Variants in RIMS2 observed in about 807,000 individuals in gnomAD.
RIMS2 encodes the protein regulating synaptic membrane exocytosis protein 2.
In RIMS2, 59 loss-of-function variants were observed where a neutral mutation model predicts 174.4. That is an observed-to-expected ratio of 0.34 (90% CI 0.27 to 0.42). RIMS2 has a LOEUF of 0.42. RIMS2 is among the 10% of genes least tolerant of loss of function. The pLI is 1.00. For missense variants in RIMS2, 1,620 were observed against 1,666.3 expected, an observed-to-expected ratio of 0.97 and a Z score of 0.48; for synonymous variants, 606 against 572.5, an observed-to-expected ratio of 1.06 and a Z score of -0.84.
At chr8:104,068,553 AACAAAT>A in intron 19 of RIMS2, 2 of 1,571,556 alleles carry the variant, frequency 1.3e-6, no homozygotes, top group African/African-American at 2.7e-5. Context: ...AATGAAAATT[AACAAAT>A]ACAAACAGGT....
chr8:103,812,932 T>C (rs901714010), intron 3 of RIMS2, among the ~76,000 whole-genome samples: 5 of 152,174 alleles, frequency 3.3e-5, no homozygotes, highest in African/African-American at 9.7e-5. Flanking sequence ...ATGCTTCAAG[T>C]AGTCAGTAGA....
chr8:103,578,315 A>G (rs1330558455), intron 1 of RIMS2, among the ~76,000 whole-genome samples: 1 of 152,082 alleles, frequency 6.6e-6, no homozygotes, highest in Non-Finnish European at 1.5e-5. Context: ...GGATCATTTG[A>G]AGTCAGGAGT....
intron 19 of RIMS2, among the ~76,000 whole-genome samples, chr8:104,113,018 A>G (rs1381408941): frequency 6.6e-6 from 1 of 152,176 alleles, no homozygotes; most frequent in African/African-American, 2.4e-5. Context: ...TTTTGTTCAT[A>G]CTTTTCTGCT....
At chr8:103,755,538 C>A (rs928771317) in intron 2 of RIMS2, among the ~76,000 whole-genome samples, 2 of 152,170 alleles carry the variant, frequency 1.3e-5, no homozygotes, top group African/African-American at 4.8e-5. Context: ...CAGCTTGGTT[C>A]TATTCTCCCC....
At chr8:103,879,714 T>C (rs892217695) in intron 3 of RIMS2, among the ~76,000 whole-genome samples, 2 of 151,652 alleles carry the variant, frequency 1.3e-5, no homozygotes, top group Non-Finnish European at 3.0e-5. Context: ...ACTTGCTGTT[T>C]GTGAGATCTA....
chr8:103,545,852 G>A (rs1450169658), intron 1 of RIMS2, among the ~76,000 whole-genome samples: 3 of 152,082 alleles, frequency 2.0e-5, no homozygotes, highest in African/African-American at 4.8e-5. Context: ...ATTATCGCTG[G>A]ACCTGCCTTA....
intron 2 of RIMS2, among the ~76,000 whole-genome samples, chr8:103,709,340 GTTT>G (rs35595373): frequency 2.3e-5 from 3 of 132,840 alleles, no homozygotes; most frequent in Non-Finnish European, 3.2e-5. Context: ...CGGTATGTGG[GTTT>G]TTTTTTTTTT....
chr8:104,215,164 ATT>A (rs1274373081), intron 19 of RIMS2, among the ~76,000 whole-genome samples: 1 of 152,224 alleles, frequency 6.6e-6, no homozygotes, highest in African/African-American at 2.4e-5. Flanking sequence ...CAAATTTTCT[ATT>A]TTTATGTCAG....
chr8:103,515,136 T>C (rs1828398708), intron 1 of RIMS2, among the ~76,000 whole-genome samples: 1 of 152,136 alleles, frequency 6.6e-6, no homozygotes, highest in Non-Finnish European at 1.5e-5. Flanking sequence ...TTCTAATCCA[T>C]TTGAACTTTA....
chr8:103,814,866 A>G (rs747872451), intron 3 of RIMS2, among the ~76,000 whole-genome samples: 6 of 152,282 alleles, frequency 3.9e-5, no homozygotes, highest in Non-Finnish European at 7.4e-5. Context: ...CTATATCTAT[A>G]CTGATATAGA....
chr8:103,872,611 C>T lies in RIMS2; in HGVS notation c.699-12687C>T, dbSNP rs537157781. Among the ~76,000 whole-genome samples the T allele has an allele frequency of 3.9e-5, 6 of 152,320 alleles. No individual in the cohort carries two copies. In the East Asian group the frequency reaches 7.7e-4, roughly 20 times the overall value. On this transcript the variant is annotated intron_variant, in intron 3 of 23. Coordinates refer to ENST00000504942, the Ensembl canonical transcript of RIMS2. ...CCTCTTGCTTAATGCCCTGCTACAA[C>T]AATGTGTGGCTCTCAAACTCAAGAT...
At chr8:104,042,505 A>G (rs1292404265) in intron 19 of RIMS2, among the ~76,000 whole-genome samples, 1 of 151,642 alleles carries the variant, frequency 6.6e-6, no homozygotes, top group African/African-American at 2.4e-5. Context: ...GGTCTGAATT[A>G]AGGTATCAGT....
At chr8:103,790,483 T>A (rs2098486422) in intron 3 of RIMS2, among the ~76,000 whole-genome samples, 1 of 152,226 alleles carries the variant, frequency 6.6e-6, no homozygotes, top group African/African-American at 2.4e-5. Context: ...TATACCACAT[T>A]TCTTTTATTC....
intron 19 of RIMS2, among the ~76,000 whole-genome samples, chr8:104,166,802 CAA>C (rs1249085830): frequency 6.6e-6 from 1 of 151,900 alleles, no homozygotes; most frequent in African/African-American, 2.4e-5. Flanking sequence ...TCTGAATCCC[CAA>C]AGTCCATTAT....
At chr8:103,852,046 C>T (rs1347305604) in intron 3 of RIMS2, among the ~76,000 whole-genome samples, 4 of 151,940 alleles carry the variant, frequency 2.6e-5, no homozygotes, top group African/African-American at 9.7e-5. Context: ...TCCCTTACTC[C>T]AAGACGGGAT....
rs1178515651 is a variant in RIMS2, at chr8:104,162,439, T to A, written c.3335-82477T>A. 2.6e-5 allele frequency among the ~76,000 whole-genome samples: 4 copies of A among 152,174 alleles called. No homozygotes were observed. In the East Asian group the frequency reaches 7.7e-4, roughly 29 times the overall value. ...AATAGCATGAATTTGTTGTTTAATTTTCACAACTTGAGATGTAAATATTAT... is the reference window on the plus strand; with the variant it reads ...AATAGCATGAATTTGTTGTTTAATTATCACAACTTGAGATGTAAATATTAT... On this transcript the variant is annotated intron_variant, in intron 19 of 23. Coordinates refer to ENST00000504942, the Ensembl canonical transcript of RIMS2.
chr8:103,868,889 G>A (rs1284481516), intron 3 of RIMS2, among the ~76,000 whole-genome samples: 2 of 151,946 alleles, frequency 1.3e-5, no homozygotes, highest in African/African-American at 4.8e-5. Context: ...ATAAATATAA[G>A]CATTATCATT....
intron 17 of RIMS2, among the ~76,000 whole-genome samples, chr8:103,995,291 G>A (rs375573090): frequency 3.3e-4 from 50 of 152,224 alleles, no homozygotes; most frequent in African/African-American, 1.1e-3. Context: ...TCCTGGTCTA[G>A]CCAGACAAAT....
rs116337437 is a variant in RIMS2, at chr8:103,826,818, C to A, written c.699-58480C>A. ...TTCCTCAGCCTCCCAGTAGCTAGAA[C>A]TATTTTTGTAGAGTTTTGTAGAGAC... On this transcript the variant is annotated intron_variant, in intron 3 of 23. Transcript: ENST00000504942. Among the ~76,000 whole-genome samples the A allele has an allele frequency of 3.8e-3, 568 of 151,250 alleles. 9 individuals carry two copies. Among genetic ancestry groups the A allele is most frequent in the African/African-American group, 0.013 (539 of 41,238 alleles).
Sources: allele counts gnomAD v4.1 joint callset (sites outside exome capture counted in the v4.1 genomes callset), GRCh38; gene constraint gnomAD v4.1.1; transcripts MANE v1.5; gene names NCBI Gene and HGNC (gene_info 2026-07-23, HGNC 2026-07-21).